TUBB6: variants seen among roughly 807,000 people sequenced by gnomAD.
TUBB6 encodes tubulin beta 6 class V.
TUBB6 carries 18 observed loss-of-function variants against 32.3 expected under a neutral mutation model. The observed-to-expected ratio is 0.56, with a 90% confidence interval of 0.39 to 0.83. The LOEUF (loss-of-function observed/expected upper bound fraction) is 0.83. Among genes scored for constraint, TUBB6 ranks in the 40% least tolerant of loss-of-function variants. The probability of loss-of-function intolerance (pLI) is 0.00; values close to 1 mark genes in which losing one functional copy is unlikely to be tolerated. For synonymous variants in TUBB6, 280 were observed against 265.8 expected (o/e 1.05, Z -0.52); for missense variants, 480 against 632.0 (o/e 0.76, Z 2.58).
intron 3 of TUBB6, among the ~76,000 whole-genome samples, chr18:12,313,748 T>C (rs1341131753): frequency 6.6e-6 from 1 of 152,242 alleles, no homozygotes; most frequent in African/African-American, 2.4e-5. Context: ...AACTACTTAG[T>C]AGATTGAGCA....
Position 12,308,292 on chromosome 18 carries a change from C to T in TUBB6, c.-1C>T. ...GTTCCTAGCGCAGAGCCGCGCCCGC[C>T]ATGAGGGAGATCGTGCACATCCAGG... On this transcript the variant is annotated 5_prime_UTR_variant, in exon 1 of 4. Transcript: ENST00000317702. 1 of 1,472,106 alleles carries T rather than the reference C, an allele frequency of 6.8e-7. No individual in the cohort carries two copies. Among genetic ancestry groups the T allele is most frequent in the Admixed American group, 2.1e-5 (1 of 47,184 alleles). The allele number at this position is 1,472,106 out of a possible 1,614,324, so 91.2% of individuals were successfully genotyped here.
chr18:12,317,049 G>A (rs527312869), intron 3 of TUBB6, among the ~76,000 whole-genome samples: 1 of 152,072 alleles, frequency 6.6e-6, no homozygotes, highest in African/African-American at 2.4e-5. Flanking sequence ...CCAGCTACTC[G>A]GGAGGCTGAG....
intron 3 of TUBB6, among the ~76,000 whole-genome samples, chr18:12,313,599 C>T (rs1906510922): frequency 6.6e-6 from 1 of 152,132 alleles, no homozygotes; most frequent in African/African-American, 2.4e-5. Flanking sequence ...CTATAAATAC[C>T]TGGGGACAAA....
chr18:12,308,252 T>C lies in TUBB6; in HGVS notation c.-41T>C. On this transcript the variant is annotated 5_prime_UTR_variant, in exon 1 of 4. Transcript: ENST00000317702. ...CGCAGCCGGCCCGCAGTTGCCGCTG[T>C]CGTCCGCAGAGCCAGTTCCTAGCGC... The C allele has an allele frequency of 1.5e-6, 2 of 1,377,310 alleles. No homozygotes were observed. The highest frequency in any genetic ancestry group is 1.9e-6 in the Non-Finnish European group (2 of 1,056,614). 85.3% of individuals were successfully genotyped at this position (1,377,310 alleles called of 1,614,324 possible). A position where few individuals can be genotyped will look rare whatever the true frequency, so the allele number is the denominator to read the frequency against.
At chr18:12,319,790 A>G (rs560561172) in intron 3 of TUBB6, among the ~76,000 whole-genome samples, 33 of 151,796 alleles carry the variant, frequency 2.2e-4, no homozygotes, top group African/African-American at 7.7e-4. Flanking sequence ...CCTCTCTACA[A>G]AATTTTTCTT....
intron 3 of TUBB6, among the ~76,000 whole-genome samples, chr18:12,313,087 A>T (rs1906481387): frequency 6.6e-6 from 1 of 152,074 alleles, no homozygotes; most frequent in South Asian, 2.1e-4. Flanking sequence ...AAGTAGAAAG[A>T]AACTTCCTTT....
At position 12,310,244 on chromosome 18, in the gene TUBB6, CT is replaced by C. The variant is rs373368467; in HGVS notation, c.167-696del. Among the ~76,000 whole-genome samples, 83 of 152,114 alleles carry C rather than the reference CT, an allele frequency of 5.5e-4. No individual in the cohort carries two copies. In the South Asian group the frequency reaches 0.016, roughly 29 times the overall value. On this transcript the variant is annotated intron_variant, in intron 2 of 3. Coordinates refer to ENST00000317702, the MANE Select transcript of TUBB6 (RefSeq NM_032525.3). ...GTGGCTCACCCCTGTAATCCCAGCA[CT>C]TTGGGAGGCCGAGGTGGGCAGATCA...
At chr18:12,315,106 A>T (rs1906602113) in intron 3 of TUBB6, among the ~76,000 whole-genome samples, 1 of 151,874 alleles carries the variant, frequency 6.6e-6, no homozygotes, top group African/African-American at 2.4e-5. Flanking sequence ...CTTTTTGCTG[A>T]CTCTCATTAT....
downstream of TUBB6, chr18:12,329,550 C>A: frequency 6.2e-7 from 1 of 1,611,468 alleles, no homozygotes; most frequent in Non-Finnish European, 8.5e-7. Context: ...ACTGAGATGG[C>A]CTCCCTCTGG....
upstream of TUBB6, chr18:12,307,866 A>C (rs1484281838): frequency 6.6e-6 from 1 of 152,198 alleles, no homozygotes; most frequent in Non-Finnish European, 1.5e-5. Context: ...GCTTGGCTGG[A>C]CTGGGCGCGG....
At chr18:12,317,817 A>G (rs2144146884) in intron 3 of TUBB6, among the ~76,000 whole-genome samples, 1 of 152,370 alleles carries the variant, frequency 6.6e-6, no homozygotes. Flanking sequence ...CCGTATCAGT[A>G]CAGAAGATGT....
At chr18:12,319,052 G>A (rs1024522503) in intron 3 of TUBB6, among the ~76,000 whole-genome samples, 2 of 152,152 alleles carry the variant, frequency 1.3e-5, no homozygotes, top group African/African-American at 2.4e-5. Flanking sequence ...TTCTACTGGT[G>A]GCCCCTGAGG....
intron 3 of TUBB6, among the ~76,000 whole-genome samples, chr18:12,320,243 A>AT: frequency 7.1e-6 from 1 of 140,650 alleles, no homozygotes; most frequent in Non-Finnish European, 1.5e-5. Context: ...AATAATAATA[A>AT]AAAATTCCTT....
chr18:12,319,810 G>A (rs979487738), intron 3 of TUBB6, among the ~76,000 whole-genome samples: 2 of 151,760 alleles, frequency 1.3e-5, no homozygotes, highest in East Asian at 1.9e-4. Context: ...TTTTTTTGAC[G>A]GAGTCTCACT....
intron 3 of TUBB6, among the ~76,000 whole-genome samples, chr18:12,312,787 G>A (rs954151882): frequency 3.7e-4 from 57 of 152,134 alleles, no homozygotes; most frequent in African/African-American, 1.2e-3. Context: ...ATCACCTGAG[G>A]TCGGGAGTTT....
intron 3 of TUBB6, among the ~76,000 whole-genome samples, chr18:12,315,392 T>C (rs1246901096): frequency 1.3e-5 from 2 of 152,126 alleles, no homozygotes; most frequent in Non-Finnish European, 2.9e-5. Flanking sequence ...GGTCAAAGAG[T>C]GAAGAGATTT....
rs1297538700 is a variant in TUBB6 at position 12,325,379 on chromosome 18, A to G, written c.590A>G (p.Asp197Gly). ...GTGCACCAGCTGGTGGAGAATACAGACGAGACCTACTGCATCGACAACGAG... is the reference window on the plus strand; with the variant it reads ...GTGCACCAGCTGGTGGAGAATACAGGCGAGACCTACTGCATCGACAACGAG... ...LSVHQLVENTDETYCIDNEAL... is the reference protein window; with the variant it reads ...LSVHQLVENTGETYCIDNEAL... The change falls in exon 4 of 4, where the codon GAC becomes GGC. Residue 197 changes from aspartate to glycine, a missense_variant. Asp to Gly is a moderately conservative substitution (Grantham distance 94). Coordinates refer to ENST00000317702, the MANE Select transcript of TUBB6 (RefSeq NM_032525.3). 6.2e-7 allele frequency: 1 copy of G among 1,614,188 alleles called. No homozygotes were observed. Among genetic ancestry groups the G allele is most frequent in the Non-Finnish European group, 8.5e-7 (1 of 1,180,014 alleles).
At chr18:12,315,356 T>C (rs2144140600) in intron 3 of TUBB6, among the ~76,000 whole-genome samples, 1 of 152,342 alleles carries the variant, frequency 6.6e-6, no homozygotes, top group Middle Eastern at 3.4e-3. Flanking sequence ...GATTTCAGAA[T>C]AGATTCTCAA....
chr18:12,325,151 G>A lies in TUBB6; in HGVS notation c.362G>A (p.Arg121Gln), dbSNP rs368245437. Reference protein sequence around the residue: ...ELVDAVLDVVRKECEHCDCLQ... With the variant: ...ELVDAVLDVVQKECEHCDCLQ... ...GTGGACGCAGTGCTGGACGTGGTGC[G>A]GAAGGAGTGCGAGCACTGCGACTGC... Residue 121 changes from arginine (R) to glutamine (Q), a missense_variant, in exon 4 of 4, where the codon CGG becomes CAG. Arg to Gln is a conservative substitution (Grantham distance 43, BLOSUM62 1). Coordinates refer to ENST00000317702, the MANE Select transcript of TUBB6 (RefSeq NM_032525.3). The A allele has an allele frequency of 3.7e-6, 6 of 1,613,020 alleles. No individual in the cohort carries two copies. Among genetic ancestry groups the A allele is most frequent in the South Asian group, 3.3e-5 (3 of 90,952 alleles).
Sources: allele counts gnomAD v4.1 joint callset (sites outside exome capture counted in the v4.1 genomes callset), GRCh38; gene constraint gnomAD v4.1.1; transcripts MANE v1.5; gene names NCBI Gene and HGNC (gene_info 2026-07-23, HGNC 2026-07-21).